The following MAP4K4 variants were observed in gnomAD, a reference collection of about 807,000 sequenced individuals.
The protein encoded by MAP4K4 is HPK/GCK-like kinase HGK.
In MAP4K4, 38 loss-of-function variants were observed where a neutral mutation model predicts 189.6. The observed-to-expected ratio is 0.20, with a 90% CI of 0.15 to 0.26. The LOEUF (loss-of-function observed/expected upper bound fraction) is 0.26, where lower values mean the gene tolerates loss of function less well. MAP4K4 is among the 10% of genes least tolerant of loss of function. The probability of loss-of-function intolerance (pLI) is 1.00; values close to 1 mark genes in which losing one functional copy is unlikely to be tolerated. For synonymous variants in MAP4K4, 610 were observed against 624.3 expected (o/e 0.98, Z 0.34); for missense variants, 1,054 against 1,726.9 (o/e 0.61, Z 6.91).
chr2:101,768,444 C>T (rs759403508), intron 2 of MAP4K4, among the ~76,000 whole-genome samples: 2 of 152,192 alleles, frequency 1.3e-5, no homozygotes, highest in East Asian at 1.9e-4. Flanking sequence ...ACATTGCTGT[C>T]GTCAGCGTTG....
intron 2 of MAP4K4, among the ~76,000 whole-genome samples, chr2:101,710,774 T>G (rs776798084): frequency 6.6e-6 from 1 of 152,148 alleles, no homozygotes; most frequent in Non-Finnish European, 1.5e-5. Flanking sequence ...GAGGCATAGA[T>G]ATATGTGGAG....
At chr2:101,803,211 T>C (rs2094534316) in intron 3 of MAP4K4, among the ~76,000 whole-genome samples, 1 of 151,678 alleles carries the variant, frequency 6.6e-6, no homozygotes, top group Non-Finnish European at 1.5e-5. Context: ...AAAACTCAAG[T>C]TAAGTTACAT....
exon 19 of MAP4K4, chr2:101,866,437 G>A: frequency 6.2e-7 from 1 of 1,612,598 alleles, no homozygotes; most frequent in Non-Finnish European, 8.5e-7. Flanking sequence ...GCAGTATTGA[G>A]CCCAGGCTTC....
chr2:101,728,520 T>C (rs2056760712), intron 2 of MAP4K4, among the ~76,000 whole-genome samples: 1 of 152,196 alleles, frequency 6.6e-6, no homozygotes. Context: ...TAACACTTTT[T>C]TTTTCTTTTG....
chr2:101,893,095 T>G (rs1255764610), exon 33 of MAP4K4: 1 of 456,528 alleles, frequency 2.2e-6, no homozygotes, highest in South Asian at 1.5e-5. Flanking sequence ...ACCTGTTTGC[T>G]TCCCATCCCA....
intron 6 of MAP4K4, 144 bp downstream of exon 6, chr2:101,829,738 A>G: frequency 1.6e-6 from 1 of 615,902 alleles, no homozygotes. Context: ...GGAACTGAGC[A>G]TATTACTTAG....
At chr2:101,753,656 G>A (rs901675017) in intron 2 of MAP4K4, among the ~76,000 whole-genome samples, 19 of 151,474 alleles carry the variant, frequency 1.3e-4, no homozygotes, top group Non-Finnish European at 2.6e-4. Flanking sequence ...TTGTCCGCAA[G>A]TATACAGTTT....
At chr2:101,842,303 C>G (rs1189767446) in intron 10 of MAP4K4, among the ~76,000 whole-genome samples, 8 of 152,148 alleles carry the variant, frequency 5.3e-5, no homozygotes. Flanking sequence ...GTTCTTTTCT[C>G]ATGTATCAGG....
chr2:101,787,346 C>A (rs926534191), intron 2 of MAP4K4, among the ~76,000 whole-genome samples: 2 of 152,188 alleles, frequency 1.3e-5, no homozygotes, highest in African/African-American at 2.4e-5. Flanking sequence ...GTGAGTAATG[C>A]CTTTTCCTGT....
chr2:101,750,955 A>T (rs2068590111), intron 2 of MAP4K4, among the ~76,000 whole-genome samples: 1 of 152,034 alleles, frequency 6.6e-6, no homozygotes, highest in South Asian at 2.1e-4. Flanking sequence ...CTACCTTTTT[A>T]TCTTTTCACT....
chr2:101,842,811 C>T, intron 11 of MAP4K4, 130 bp downstream of exon 11: 1 of 598,352 alleles, frequency 1.7e-6, no homozygotes, highest in Non-Finnish European at 2.9e-6. Context: ...TTACTATCTC[C>T]ATTCTTCTCT....
intron 2 of MAP4K4, among the ~76,000 whole-genome samples, chr2:101,763,622 T>C (rs879361563): frequency 6.6e-6 from 1 of 152,198 alleles, no homozygotes; most frequent in Non-Finnish European, 1.5e-5. Context: ...AGCAACAATT[T>C]CCAGAAGGTT....
intron 5 of MAP4K4, 34 bp from the exon 6 acceptor site, chr2:101,829,470 A>G: frequency 6.7e-7 from 1 of 1,483,300 alleles, no homozygotes; most frequent in South Asian, 1.2e-5. Context: ...ATAGTCACAG[A>G]AAACTAAAAT....
chr2:101,733,535 CTGAAAT>C (rs2059312776), intron 2 of MAP4K4, among the ~76,000 whole-genome samples: 1 of 152,156 alleles, frequency 6.6e-6, no homozygotes, highest in African/African-American at 2.4e-5. Flanking sequence ...CACAGGCACT[CTGAAAT>C]TGAAGGAGAA....
At chr2:101,783,525 C>A (rs2148657463) in intron 2 of MAP4K4, among the ~76,000 whole-genome samples, 1 of 152,260 alleles carries the variant, frequency 6.6e-6, no homozygotes, top group East Asian at 1.9e-4. Flanking sequence ...GATTCCTATA[C>A]CCCAGTTACA....
chr2:101,878,554 T>C (rs1454819363), intron 27 of MAP4K4, among the ~76,000 whole-genome samples: 1 of 152,248 alleles, frequency 6.6e-6, no homozygotes, highest in African/African-American at 2.4e-5. Flanking sequence ...CTTCTCTTGC[T>C]GCCCTTTAGG....
rs1041465418 is a variant in MAP4K4 at position 101,842,508 on chromosome 2, C to T, written c.950-101C>T. ...TACAAGTTGCTGTTTTCACAGGGAA[C>T]TTGTTTATTTTCTGCCAAGGTGCTC... On this transcript the variant is annotated intron_variant, in intron 10 of 32. Transcript: ENST00000324219. 7.9e-6 allele frequency: 6 copies of T among 760,228 alleles called. No homozygotes were observed. The African/African-American group carries it at 1.1e-4, about 13-fold the overall frequency. 47.1% of individuals were successfully genotyped at this position (760,228 alleles called of 1,614,324 possible).
intron 2 of MAP4K4, among the ~76,000 whole-genome samples, chr2:101,711,861 A>G (rs1007833424): frequency 6.6e-6 from 1 of 151,910 alleles, no homozygotes; most frequent in Non-Finnish European, 1.5e-5. Context: ...AGCAACTTAA[A>G]TGTTGAATTT....
exon 20 of MAP4K4, chr2:101,867,265 A>C (rs1186739163): frequency 1.2e-6 from 2 of 1,607,982 alleles, no homozygotes; most frequent in East Asian, 2.2e-5. Flanking sequence ...TGCAGTGAAA[A>C]AACCTGAAGA....
Sources: allele counts gnomAD v4.1 joint callset (sites outside exome capture counted in the v4.1 genomes callset), GRCh38; gene constraint gnomAD v4.1.1; transcripts MANE v1.5; gene names NCBI Gene and HGNC (gene_info 2026-07-23, HGNC 2026-07-21).